Variants in AKT2 observed in about 807,000 individuals in gnomAD.
AKT2 encodes the protein RAC-beta serine/threonine-protein kinase.
In AKT2, 16 loss-of-function variants were observed where a neutral mutation model predicts 58.6. That is an observed-to-expected ratio of 0.27 (90% CI 0.18 to 0.41). AKT2 has a LOEUF of 0.41. AKT2 is among the 10% of genes least tolerant of loss of function. AKT2 has a pLI of 1.00. For synonymous variants in AKT2, 253 were observed against 254.0 expected (o/e 1.00, Z 0.04); for missense variants, 438 against 661.0 (o/e 0.66, Z 3.70).
In AKT2 at chr19:40,235,799, C is replaced by A. The variant is rs1377202313; in HGVS notation, c.1175+91G>T. On this transcript the variant is annotated intron_variant, in intron 11 of 13. Coordinates refer to ENST00000392038, the MANE Select transcript of AKT2 (RefSeq NM_001626.6). This position sits in a 1 kb window ranked among gnomAD's most constrained non-coding sequence, Gnocchi z 6.3. ...GGACGACACACTGCGACCCTACAAG[C>A]GAGCACCCTTGTGGACGCTGCCCCC... The A allele has an allele frequency of 3.0e-6, 4 of 1,329,500 alleles. No individual in the cohort carries two copies. In the African/African-American group the frequency reaches 4.4e-5, roughly 15 times the overall value. 82.4% of individuals were successfully genotyped at this position (1,329,500 alleles called of 1,614,324 possible).
rs1974114200 is a variant in AKT2 at position 40,237,655 on chromosome 19, C to T, written c.831+314G>A. The T allele has an allele frequency of 3.0e-6, 1 of 338,546 alleles. No homozygotes were observed. Among genetic ancestry groups the T allele is most frequent in the Non-Finnish European group, 5.7e-6 (1 of 175,204 alleles). 21.0% of individuals were successfully genotyped at this position (338,546 alleles called of 1,614,324 possible). A position where few individuals can be genotyped will look rare whatever the true frequency, so the allele number is the denominator to read the frequency against. ...TCAAAAATAAATAAATAAATAAATA[C>T]AAATAAAGTAGGTATTGTGGCAGTT... On this transcript the variant is annotated intron_variant, in intron 9 of 13. Coordinates refer to ENST00000392038, the MANE Select transcript of AKT2 (RefSeq NM_001626.6). The surrounding 1 kb of genome is among the most constrained non-coding windows in gnomAD (Gnocchi z 4.5).
At position 40,271,743 on chromosome 19, in the gene AKT2, G is replaced by A. The variant is rs1225144832; in HGVS notation, c.-84-6392C>T. Among the ~76,000 whole-genome samples the A allele has an allele frequency of 3.3e-5, 5 of 152,330 alleles. No homozygotes were observed. In the South Asian group the frequency reaches 1.0e-3, roughly 32 times the overall value. ...TCAACACTAGTGACATTTGGGGATA[G>A]AGAATCCCTGATGTGGGGACTCTTC... On this transcript the variant is annotated intron_variant, in intron 1 of 13. Coordinates refer to ENST00000392038, the MANE Select transcript of AKT2 (RefSeq NM_001626.6).
chr19:40,258,656 TAAAA>T (rs775016321), intron 2 of AKT2, among the ~76,000 whole-genome samples: 1 of 108,354 alleles, frequency 9.2e-6, no homozygotes, highest in African/African-American at 3.5e-5. Context: ...CCCTAGCTCT[TAAAA>T]AAAAAAAAAA....
At position 40,240,067 on chromosome 19, in the gene AKT2, T is replaced by C; in HGVS notation, c.617A>G (p.Asn206Ser). 6.2e-7 allele frequency: 1 copy of C among 1,614,036 alleles called. No homozygotes were observed. Among genetic ancestry groups the C allele is most frequent in the Non-Finnish European group, 8.5e-7 (1 of 1,180,014 alleles). The change falls in exon 7 of 14, where the codon AAC becomes AGC. Residue 206 changes from asparagine (N) to serine (S), a missense_variant. This residue lies in a region of AKT2 where 244 missense variants were observed against 347.1 expected (regional missense o/e 0.70). Transcript: ENST00000392038. Reference protein sequence around the residue: ...HTVTESRVLQNTRHPFLTALK... With the variant: ...HTVTESRVLQSTRHPFLTALK... Reference sequence around the variant, plus strand: ...CACAGTGAGGAACGGGTGCCTGGTGTTCTGGAGGACCCGGCTCTCGGTGAC... The same window carrying C: ...CACAGTGAGGAACGGGTGCCTGGTGCTCTGGAGGACCCGGCTCTCGGTGAC...
chr19:40,243,008 G>A (rs1167345547), intron 4 of AKT2: 2 of 354,656 alleles, frequency 5.6e-6, no homozygotes, highest in Non-Finnish European at 1.1e-5. Context: ...TTAGTCAGGG[G>A]TGGCATTCGC....
intron 2 of AKT2, among the ~76,000 whole-genome samples, chr19:40,264,279 C>T (rs1406073107): frequency 6.6e-6 from 1 of 152,186 alleles, no homozygotes; most frequent in African/African-American, 2.4e-5. Flanking sequence ...CGCTTCTCCC[C>T]ATCTGCCTCC....
At chr19:40,240,473 G>A (rs1974326971) in intron 6 of AKT2, among the ~76,000 whole-genome samples, 1 of 152,226 alleles carries the variant, frequency 6.6e-6, no homozygotes, top group Admixed American at 6.5e-5. Flanking sequence ...CTTGCCCAAA[G>A]AAGGAAAAAC....
intron 3 of AKT2, 127 bp from the exon 4 acceptor site, chr19:40,255,396 A>G: frequency 1.4e-6 from 1 of 710,740 alleles, no homozygotes; most frequent in Non-Finnish European, 2.5e-6. Context: ...CACTCTAGGG[A>G]CTGAGACAGC....
chr19:40,260,628 CAAAAAAAAAAA>C (rs34124347), intron 2 of AKT2, among the ~76,000 whole-genome samples: 29 of 25,004 alleles, frequency 1.2e-3, no homozygotes, highest in South Asian at 7.1e-3. Flanking sequence ...GATTCCATCT[CAAAAAAAAAAA>C]AAAAAAAAAA....
rs1973854948 is a variant in AKT2, at chr19:40,233,973, GGGGAGGACCAGTCAGGA to G, written c.1367-39_1367-23del. The G allele has an allele frequency of 6.2e-7, 1 of 1,607,254 alleles. No individual in the cohort carries two copies. The highest frequency in any genetic ancestry group is 8.5e-7 in the Non-Finnish European group (1 of 1,179,286). On this transcript the variant is annotated intron_variant, in intron 13 of 13. Coordinates refer to ENST00000392038, the MANE Select transcript of AKT2 (RefSeq NM_001626.6). This position sits in a 1 kb window ranked among gnomAD's most constrained non-coding sequence, Gnocchi z 4.3. ...TCATCTGTGGGCGGCAGAGGTGGAT[GGGGAGGACCAGTCAGGA>G]GAGGGCCTGGGACACCTGCCCAGAC...
intron 7 of AKT2, 94 bp downstream of exon 7, chr19:40,239,951 A>G (rs1974286838): frequency 1.3e-6 from 2 of 1,490,006 alleles, no homozygotes; most frequent in South Asian, 2.3e-5. Flanking sequence ...GGCCTACCCC[A>G]AGACTGTGCT....
chr19:40,241,053 G>C (rs1287046571), intron 6 of AKT2: 1 of 152,454 alleles, frequency 6.6e-6, no homozygotes, highest in Non-Finnish European at 1.5e-5. Context: ...CTTCTAAAGT[G>C]CTGGAATTAC....
chr19:40,273,542 C>CT (rs2077256480), intron 1 of AKT2: 1 of 141,614 alleles, frequency 7.1e-6, no homozygotes, highest in East Asian at 2.1e-4. Flanking sequence ...CTTTTTGTTT[C>CT]TTTTTTCTTT....
In AKT2 at chr19:40,231,387, A is replaced by G. The variant is rs1789780833; in HGVS notation, c.*2485T>C. 4.3e-6 allele frequency: 1 copy of G among 233,120 alleles called. No homozygotes were observed. Among genetic ancestry groups the G allele is most frequent in the Non-Finnish European group, 8.5e-6 (1 of 118,016 alleles). The allele number at this position is 233,120 out of a possible 1,614,324, so 14.4% of individuals were successfully genotyped here. The stretch of plus-strand genomic sequence containing the variant: ...TCATAGGCCTGCCTATTTTATGACC[A>G]CCAGGGTAGACTTTTGTAATTAAAT... On this transcript the variant is annotated 3_prime_UTR_variant, in exon 14 of 14. Coordinates refer to ENST00000392038, the MANE Select transcript of AKT2 (RefSeq NM_001626.6).
Position 40,235,480 on chromosome 19 carries a change from G to T in AKT2, c.1176-130C>A. The T allele has an allele frequency of 1.1e-6, 1 of 878,300 alleles. No homozygotes were observed. 54.4% of individuals were successfully genotyped at this position (878,300 alleles called of 1,614,324 possible). A position where few individuals can be genotyped will look rare whatever the true frequency, so the allele number is the denominator to read the frequency against. ...TGACCACAAACCACTTCACAGAGGA[G>T]GAAACCGAGGCTCAGGGAGGGAGCT... On this transcript the variant is annotated intron_variant, in intron 11 of 13. Transcript: ENST00000392038. This position sits in a 1 kb window ranked among gnomAD's most constrained non-coding sequence, Gnocchi z 6.3.
At position 40,242,118 on chromosome 19, in the gene AKT2, CGT is replaced by C. The variant is rs773490970; in HGVS notation, c.442-51_442-50del. 1.9e-6 allele frequency: 3 copies of C among 1,612,638 alleles called. No homozygotes were observed. In the South Asian group the frequency reaches 3.3e-5, roughly 18 times the overall value. Reference sequence around the variant, plus strand: ...GGCAGTCAGCGCCTGGCTCATGGCCCGTGGGAGGAAATTTTAACAAAAGAAAG... The same window carrying C: ...GGCAGTCAGCGCCTGGCTCATGGCCCGGGAGGAAATTTTAACAAAAGAAAG... On this transcript the variant is annotated intron_variant, in intron 5 of 13. Transcript: ENST00000392038. The surrounding 1 kb of genome is among the most constrained non-coding windows in gnomAD (Gnocchi z 4.3).
intron 4 of AKT2, among the ~76,000 whole-genome samples, chr19:40,249,493 C>T (rs1481539796): frequency 1.3e-5 from 2 of 152,192 alleles, no homozygotes; most frequent in African/African-American, 4.8e-5. Context: ...GGCCATCCTG[C>T]GGGGCACCCC....
Position 40,236,034 on chromosome 19 carries a change from A to T in AKT2, c.1031T>A (p.Met344Lys), listed in dbSNP as rs1166756826. ...WGLGVVMYEM[M>K]CGRLPFYNQD... ...GTTGTAGAAGGGCAGGCGGCCGCAC[A>T]TCATCTCGTACATGACCACACCCAG... The change falls in exon 11 of 14, where the codon ATG becomes AAG. Residue 344 changes from methionine (M) to lysine (K), a missense_variant. Physicochemically the swap from Met to Lys is moderately conservative, Grantham distance 95. Coordinates refer to ENST00000392038, the MANE Select transcript of AKT2 (RefSeq NM_001626.6). 1.9e-6 allele frequency: 3 copies of T among 1,613,984 alleles called. No individual in the cohort carries two copies. Among genetic ancestry groups the T allele is most frequent in the African/African-American group, 1.3e-5 (1 of 74,912 alleles).
intron 2 of AKT2, among the ~76,000 whole-genome samples, chr19:40,259,188 C>G (rs1975763907): frequency 6.6e-6 from 1 of 151,990 alleles, no homozygotes; most frequent in Non-Finnish European, 1.5e-5. Flanking sequence ...TATATTTTTT[C>G]AAAACGAAAG....
Sources: gnomAD v4.1 joint callset for allele counts (sites outside exome capture counted in the v4.1 genomes callset) on GRCh38, gnomAD v4.1.1 for gene constraint, gnomAD v4.1.1 regional missense constraint, Gnocchi (gnomAD v3.1) non-coding constraint, MANE v1.5 for transcripts, NCBI Gene and HGNC (gene_info 2026-07-23, HGNC 2026-07-21) for gene names.